Variants in EMP2 observed in about 807,000 individuals in gnomAD.
EMP2 encodes the protein epithelial membrane protein 2.
Under a neutral mutation model 13.7 loss-of-function variants are expected in EMP2, and 19 were observed. The ratio of observed to expected loss-of-function variants is 1.38; its 90% CI spans 0.97 to 2.03. The LOEUF is 2.03. Among genes scored for constraint, EMP2 ranks in the 30% most tolerant of loss-of-function variants. The pLI is 0.00. For synonymous variants in EMP2, 97 were observed against 84.7 expected (o/e 1.15, Z -0.80); for missense variants, 253 against 220.7 (o/e 1.15, Z -0.93).
chr16:10,548,485 G>A (rs910278716), intron 1 of EMP2, among the ~76,000 whole-genome samples: 1 of 152,122 alleles, frequency 6.6e-6, no homozygotes, highest in Non-Finnish European at 1.5e-5. Context: ...TTAAGCCCAG[G>A]AGTTTGAGAC....
At chr16:10,562,149 T>A (rs2142200304) in intron 1 of EMP2, among the ~76,000 whole-genome samples, 1 of 152,194 alleles carries the variant, frequency 6.6e-6, no homozygotes, top group South Asian at 2.1e-4. Context: ...ATCCCACATG[T>A]GCATGAGTGA....
At chr16:10,563,549 G>A (rs1353862863) in intron 1 of EMP2, among the ~76,000 whole-genome samples, 1 of 152,118 alleles carries the variant, frequency 6.6e-6, no homozygotes. Context: ...GATCTTTGCT[G>A]GCGAGTTAAA....
rs2050601355 is a variant in EMP2, at chr16:10,531,404, C to A, written c.*1501G>T. ...CTGGAGTGCAGTGGCACGGTCTCGG[C>A]TCACTGCAACCTCCACCTCCCATTT... On this transcript the variant is annotated 3_prime_UTR_variant, in exon 5 of 5. Coordinates refer to ENST00000359543, the MANE Select transcript of EMP2 (RefSeq NM_001424.6). 6.6e-6 allele frequency: 1 copy of A among 152,562 alleles called. No individual in the cohort carries two copies. Among genetic ancestry groups the A allele is most frequent in the Admixed American group, 6.5e-5 (1 of 15,276 alleles). The allele number at this position is 152,562 out of a possible 1,614,324, so 9.5% of individuals were successfully genotyped here.
intron 1 of EMP2, among the ~76,000 whole-genome samples, chr16:10,551,002 T>C (rs933774240): frequency 2.6e-5 from 4 of 151,790 alleles, no homozygotes; most frequent in African/African-American, 9.7e-5. Context: ...AGAAGTGATA[T>C]TTGATAAAAT....
At chr16:10,555,110 G>A (rs1384788377) in intron 1 of EMP2, among the ~76,000 whole-genome samples, 1 of 152,116 alleles carries the variant, frequency 6.6e-6, no homozygotes, top group Non-Finnish European at 1.5e-5. Flanking sequence ...AAACGAAGGA[G>A]GGCCAAGACT....
intron 1 of EMP2, among the ~76,000 whole-genome samples, chr16:10,548,847 A>G (rs922617216): frequency 1.1e-4 from 17 of 152,230 alleles, no homozygotes; most frequent in African/African-American, 3.4e-4. Context: ...CCCCTCTCTG[A>G]TCACACAGGA....
At chr16:10,555,152 T>A (rs1476107133) in intron 1 of EMP2, among the ~76,000 whole-genome samples, 1 of 152,072 alleles carries the variant, frequency 6.6e-6, no homozygotes, top group East Asian at 1.9e-4. Flanking sequence ...AGGAACAAGG[T>A]CAGGACTAGA....
chr16:10,537,131 C>T (rs6498070), intron 4 of EMP2, among the ~76,000 whole-genome samples: 122,882 of 152,172 alleles, frequency 0.81, 50,137 homozygotes, highest in African/African-American at 0.92. Context: ...AGCCACTCGT[C>T]AACTCCTGAT....
At chr16:10,554,312 G>A (rs1354555771) in intron 1 of EMP2, among the ~76,000 whole-genome samples, 1 of 152,186 alleles carries the variant, frequency 6.6e-6, no homozygotes, top group Non-Finnish European at 1.5e-5. Context: ...GATTACAGGC[G>A]TGAGCCACCG....
chr16:10,543,244 G>C (rs1236888233), intron 3 of EMP2, among the ~76,000 whole-genome samples: 1 of 152,216 alleles, frequency 6.6e-6, no homozygotes. Flanking sequence ...AAAAAAAGAA[G>C]GGAAGAGAAA....
chr16:10,551,689 G>A (rs1213254902), intron 1 of EMP2, among the ~76,000 whole-genome samples: 2 of 152,182 alleles, frequency 1.3e-5, no homozygotes, highest in South Asian at 4.1e-4. Context: ...TTACAGACGT[G>A]AGCCACCATC....
rs1197210365 is a variant in EMP2 at position 10,531,360 on chromosome 16, TCTCA to T, written c.*1541_*1544del. 1.3e-5 allele frequency: 2 copies of T among 152,512 alleles called. No homozygotes were observed. The highest frequency in any genetic ancestry group is 2.9e-5 in the Non-Finnish European group (2 of 68,782). The allele number at this position is 152,512 out of a possible 1,614,324, so 9.4% of individuals were successfully genotyped here. A position where few individuals can be genotyped will look rare whatever the true frequency, so the allele number is the denominator to read the frequency against. On this transcript the variant is annotated 3_prime_UTR_variant, in exon 5 of 5. Transcript: ENST00000359543. Reference sequence around the variant, plus strand: ...TTTTTTTTCTTTTTTTGAGATGGAGTCTCACTCTGTCACCCAGGCTGGAGTGCAG... The same window carrying T: ...TTTTTTTTCTTTTTTTGAGATGGAGTCTCTGTCACCCAGGCTGGAGTGCAG...
In EMP2 at chr16:10,543,621, T is replaced by C. The variant is rs2050717856; in HGVS notation, c.118A>G (p.Arg40Gly). The C allele has an allele frequency of 6.2e-7, 1 of 1,614,084 alleles. No homozygotes were observed. The highest frequency in any genetic ancestry group is 1.3e-5 in the African/African-American group (1 of 74,932). The stretch of plus-strand genomic sequence containing the variant: ...CAATTCGTGTTGTTGGTACATATTC[T>C]CCAGACATCTGCAAAAAACTCATCT... ...VGDEFFADVW[R>G]ICTNNTNCTV... Residue 40 changes from arginine to glycine, a missense_variant, in exon 3 of 5, where the codon AGA (arginine) becomes GGA (glycine). Arg to Gly is a moderately radical substitution (Grantham distance 125). Transcript: ENST00000359543.
rs370481441 is a variant in EMP2 at position 10,547,643 on chromosome 16, C to A, written c.-26G>T. ...TTTCACAGGGCAGGGCGAGTCGAGG[C>A]GAGGGGTCACGTTTAAAGCCCAGAG... On this transcript the variant is annotated 5_prime_UTR_variant, in exon 2 of 5. Transcript: ENST00000359543. 6.2e-7 allele frequency: 1 copy of A among 1,612,386 alleles called. No individual in the cohort carries two copies. The highest frequency in any genetic ancestry group is 8.5e-7 in the Non-Finnish European group (1 of 1,178,904).
At chr16:10,579,648 G>T (rs1222872237) in intron 1 of EMP2, among the ~76,000 whole-genome samples, 1 of 151,614 alleles carries the variant, frequency 6.6e-6, no homozygotes, top group Non-Finnish European at 1.5e-5. Flanking sequence ...TGAACTGGAG[G>T]CTTCTTAAGT....
Position 10,547,692 on chromosome 16 carries a change from A to T in EMP2, c.-60-15T>A. 4.2e-6 allele frequency: 6 copies of T among 1,443,202 alleles called. No homozygotes were observed. Among genetic ancestry groups the T allele is most frequent in the Non-Finnish European group, 5.7e-6 (6 of 1,045,518 alleles). The allele number at this position is 1,443,202 out of a possible 1,614,324, so 89.4% of individuals were successfully genotyped here. On this transcript the variant is annotated splice_polypyrimidine_tract_variant and intron_variant, in intron 1 of 4. Coordinates refer to ENST00000359543, the MANE Select transcript of EMP2 (RefSeq NM_001424.6). The stretch of plus-strand genomic sequence containing the variant: ...AGCGGGATGTGCTGAAGAGGGTAAG[A>T]AAGAGAAATTCAAAATCTGTCAATG...
At chr16:10,540,458 A>G (rs1412498323) in intron 3 of EMP2, among the ~76,000 whole-genome samples, 1 of 152,036 alleles carries the variant, frequency 6.6e-6, no homozygotes, top group Non-Finnish European at 1.5e-5. Context: ...GCGAGCAGAG[A>G]TTGCGCCACT....
intron 2 of EMP2, chr16:10,547,172 T>A (rs2050746238): frequency 5.8e-6 from 1 of 173,682 alleles, no homozygotes; most frequent in Non-Finnish European, 1.2e-5. Context: ...CGTATTGTAT[T>A]CCCATAATTC....
At chr16:10,553,761 T>C (rs928981107) in intron 1 of EMP2, among the ~76,000 whole-genome samples, 1 of 152,248 alleles carries the variant, frequency 6.6e-6, no homozygotes, top group Non-Finnish European at 1.5e-5. Flanking sequence ...TGGTTCCCTA[T>C]TGGTAGCCAT....
Sources: allele counts gnomAD v4.1 joint callset (sites outside exome capture counted in the v4.1 genomes callset), GRCh38; gene constraint gnomAD v4.1.1; transcripts MANE v1.5; gene names NCBI Gene and HGNC (gene_info 2026-07-23, HGNC 2026-07-21).